Variants in CNOT1 observed in about 807,000 individuals in gnomAD.
CNOT1 encodes the protein CCR4-associated factor 1.
CNOT1 carries 15 observed loss-of-function variants against 273.8 expected under a neutral mutation model. The observed-to-expected ratio is 0.05, with a 90% CI of 0.04 to 0.08. CNOT1 has a LOEUF of 0.08. Ranked by LOEUF, CNOT1 falls within the 10% of genes least tolerant of loss-of-function variation. The pLI is 1.00. For synonymous variants in CNOT1, 1,022 were observed against 1,005.5 expected (o/e 1.02, Z -0.31); for missense variants, 1,644 against 2,912.2 (o/e 0.56, Z 10.02).
intron 1 of CNOT1, among the ~76,000 whole-genome samples, chr16:58,607,466 G>A (rs941587854): frequency 1.3e-5 from 2 of 151,860 alleles, no homozygotes; most frequent in South Asian, 2.1e-4. Flanking sequence ...AGGTGGCCAC[G>A]GCTGCAATCC....
chr16:58,543,941 A>T, intron 30 of CNOT1, 38 bp from the exon 31 acceptor site: 1 of 1,542,506 alleles, frequency 6.5e-7, no homozygotes, highest in Non-Finnish European at 8.7e-7. Flanking sequence ...CACCTTGTTT[A>T]AATAAGACAA....
intron 44 of CNOT1, among the ~76,000 whole-genome samples, chr16:58,526,945 G>A (rs1453980066): frequency 3.3e-5 from 5 of 151,732 alleles, no homozygotes; most frequent in Admixed American, 6.6e-5. Flanking sequence ...GCAGGAGGAC[G>A]GCTTGAGCAC....
intron 16 of CNOT1, among the ~76,000 whole-genome samples, chr16:58,561,019 C>T (rs569169232): frequency 6.6e-5 from 10 of 151,734 alleles, no homozygotes; most frequent in Non-Finnish European, 1.3e-4. Context: ...AGTAAGACTC[C>T]GTCTTCAAAA....
At position 58,547,087 on chromosome 16, in the gene CNOT1, T is replaced by C. The variant is rs2040281489; in HGVS notation, c.3750+99A>G. 1 of 1,461,568 alleles carries C rather than the reference T, an allele frequency of 6.8e-7. No individual in the cohort carries two copies. Among genetic ancestry groups the C allele is most frequent in the South Asian group, 1.5e-5 (1 of 67,630 alleles). 90.5% of individuals were successfully genotyped at this position (1,461,568 alleles called of 1,614,324 possible). On this transcript the variant is annotated intron_variant, in intron 27 of 48. Coordinates refer to ENST00000317147, the MANE Select transcript of CNOT1 (RefSeq NM_016284.5). This position sits in a 1 kb window ranked among gnomAD's most constrained non-coding sequence, Gnocchi z 4.0. ...ATAGAGGAAAACAGACTTAACTAGC[T>C]TTACCTCACAAGAACTAAGAATATA...
At chr16:58,597,542 A>T (rs930053) in intron 2 of CNOT1, 86,803 of 257,616 alleles carry the variant, frequency 0.34, 17,651 homozygotes, top group Non-Finnish European at 0.44. Flanking sequence ...AACACAAAAA[A>T]AAGTTGAGAA....
intron 2 of CNOT1, among the ~76,000 whole-genome samples, chr16:58,591,506 C>A (rs1430338081): frequency 6.6e-6 from 1 of 152,176 alleles, no homozygotes; most frequent in Non-Finnish European, 1.5e-5. Flanking sequence ...GTAATCCCAG[C>A]AGTTTGTGGG....
chr16:58,545,612 A>C, intron 29 of CNOT1, 121 bp from the exon 30 acceptor site: 2 of 1,484,334 alleles, frequency 1.3e-6, no homozygotes, highest in Non-Finnish European at 1.8e-6. Context: ...GAGAGGAGGG[A>C]AGGATGTAGC....
intron 25 of CNOT1, chr16:58,548,557 A>C: frequency 1.9e-6 from 1 of 519,236 alleles, no homozygotes; most frequent in Non-Finnish European, 3.8e-6. Context: ...TGTGCAACAG[A>C]GAGCCAGGAA....
At chr16:58,542,164 T>G in intron 33 of CNOT1, 67 bp downstream of exon 33, 1 of 1,576,168 alleles carries the variant, frequency 6.3e-7, no homozygotes, top group Non-Finnish European at 8.7e-7. Flanking sequence ...AGTAAGGAGT[T>G]CAATCAACAA....
intron 28 of CNOT1, 40 bp downstream of exon 28, chr16:58,546,632 G>A (rs1233635134): frequency 6.2e-7 from 1 of 1,613,478 alleles, no homozygotes; most frequent in African/African-American, 1.3e-5. Context: ...ATAATGTGAA[G>A]GCAAAGAATG....
chr16:58,543,102 TA>T (rs924000009), intron 31 of CNOT1: 32 of 1,256,962 alleles, frequency 2.5e-5, no homozygotes, highest in East Asian at 8.8e-5. Context: ...CATGAAACAT[TA>T]AAAAAAAGGC....
chr16:58,560,012 C>A, intron 17 of CNOT1, 200 bp downstream of exon 17: 1 of 1,414,716 alleles, frequency 7.1e-7, no homozygotes, highest in Non-Finnish European at 9.6e-7. Context: ...TATATTTCCT[C>A]TTAGAGTCAC....
At chr16:58,529,668 C>T (rs1456971543) in intron 43 of CNOT1, among the ~76,000 whole-genome samples, 1 of 151,648 alleles carries the variant, frequency 6.6e-6, no homozygotes, top group East Asian at 1.9e-4. Context: ...TGAGATCCCC[C>T]ATGTATACTA....
At chr16:58,529,213 A>C (rs1232219253) in intron 43 of CNOT1, among the ~76,000 whole-genome samples, 1 of 152,160 alleles carries the variant, frequency 6.6e-6, no homozygotes, top group Non-Finnish European at 1.5e-5. Flanking sequence ...GAAATAGAAC[A>C]CCTTAGCACA....
chr16:58,558,662 C>T lies in CNOT1; in HGVS notation c.2143G>A (p.Ala715Thr). 1 of 1,613,664 alleles carries T rather than the reference C, an allele frequency of 6.2e-7. No individual in the cohort carries two copies. Among genetic ancestry groups the T allele is most frequent in the South Asian group, 1.1e-5 (1 of 91,014 alleles). The stretch of plus-strand genomic sequence containing the variant: ...CCTATACTAAGAGATGTCATTCCAG[C>T]AAGAGGGTCAATCTAAAGAAAAACA... ...AISPVQIDPL[A>T]GMTSLSIGGS... The change falls in exon 18 of 49, where the codon GCT becomes ACT. Residue 715 changes from alanine (A) to threonine (T), a missense_variant. By Grantham distance (58) the Ala-to-Thr change is moderately conservative. Transcript: ENST00000317147.
intron 16 of CNOT1, among the ~76,000 whole-genome samples, chr16:58,567,551 CAAAAA>C (rs35372389): frequency 9.0e-6 from 1 of 111,668 alleles, no homozygotes; most frequent in Non-Finnish European, 1.8e-5. Flanking sequence ...GACATCATCT[CAAAAA>C]AAAAAAAAAA....
chr16:58,599,517 T>TA lies in CNOT1; in HGVS notation c.-174-7dup. On this transcript the variant is annotated splice_polypyrimidine_tract_variant and splice_region_variant and intron_variant, in intron 1 of 48. Coordinates refer to ENST00000317147, the MANE Select transcript of CNOT1 (RefSeq NM_016284.5). ...TCTGTTCTGAAACATGGCACCTGTT[T>TA]AAAAAAACACACACACACAAATCCA... is the stretch of plus-strand genomic sequence containing the variant. 3 of 662,118 alleles carry TA rather than the reference T, an allele frequency of 4.5e-6. No individual in the cohort carries two copies. The highest frequency in any genetic ancestry group is 7.2e-6 in the Non-Finnish European group (3 of 417,798). 41.0% of individuals were successfully genotyped at this position (662,118 alleles called of 1,614,324 possible).
chr16:58,585,445 G>A lies in CNOT1; in HGVS notation c.699C>T (p.Asp233=), dbSNP rs769197745. The A allele has an allele frequency of 6.2e-7, 1 of 1,613,724 alleles. No homozygotes were observed. Among genetic ancestry groups the A allele is most frequent in the Admixed American group, 1.7e-5 (1 of 60,006 alleles). The change falls in exon 8 of 49, where the codon GAC becomes GAT. Residue 233 remains aspartate, a synonymous_variant. Coordinates refer to ENST00000317147, the MANE Select transcript of CNOT1 (RefSeq NM_016284.5). ...LAPLLYPEKR[D]ILMDRILPDS... is the part of the protein sequence containing the mutation. ...CAGGCAGGATCCTGTCCATTAGAAT[G>A]TCCCGTTTTTCAGGGTATAAAAGTG...
At chr16:58,585,195 G>C in intron 8 of CNOT1, 143 bp downstream of exon 8, 1 of 1,185,150 alleles carries the variant, frequency 8.4e-7, no homozygotes, top group Admixed American at 2.4e-5. Flanking sequence ...ACACACACTA[G>C]TTCGTGGAAG....
Sources: allele counts gnomAD v4.1 joint callset (sites outside exome capture counted in the v4.1 genomes callset), GRCh38; gene constraint gnomAD v4.1.1; non-coding constraint Gnocchi (gnomAD v3.1); transcripts MANE v1.5; gene names NCBI Gene and HGNC (gene_info 2026-07-23, HGNC 2026-07-21).